GMPR: variants seen among roughly 807,000 people sequenced by gnomAD.
GMPR encodes the protein GMP reductase 1.
Under a neutral mutation model 38.4 loss-of-function variants are expected in GMPR, and 31 were observed. The observed-to-expected ratio is 0.81, with a 90% CI of 0.61 to 1.09. GMPR has a LOEUF of 1.09. Ranked by LOEUF, GMPR falls within the 50% of genes least tolerant of loss-of-function variation. The pLI is 0.00. For synonymous variants in GMPR, 162 were observed against 173.3 expected (o/e 0.93, Z 0.51); for missense variants, 468 against 453.7 (o/e 1.03, Z -0.29).
At position 16,241,101 on chromosome 6, in the gene GMPR, T is replaced by G. The variant is rs550616317; in HGVS notation, c.87+2321T>G. ...AACTTTTCCTTGCACAATCAGAAGC[T>G]TAAAATATGTGCATCCTGGCAGAAG... On this transcript the variant is annotated intron_variant, in intron 1 of 8. Coordinates refer to ENST00000259727, the MANE Select transcript of GMPR (RefSeq NM_006877.4). Among the ~76,000 whole-genome samples the G allele has an allele frequency of 1.3e-5, 2 of 152,228 alleles. 1 individual carries two copies. Among genetic ancestry groups the G allele is most frequent in the South Asian group, 4.1e-4 (2 of 4,824 alleles).
rs147957538 is a variant in GMPR at position 16,280,268 on chromosome 6, G to A, written c.654+1378G>A. On this transcript the variant is annotated intron_variant, in intron 6 of 8. Transcript: ENST00000259727. Reference sequence around the variant, plus strand: ...TTAGCCCATAGATGATGAAAGTCTTGGGAATGGTGCTCAGGTAACAACTGA... The same window carrying A: ...TTAGCCCATAGATGATGAAAGTCTTAGGAATGGTGCTCAGGTAACAACTGA... Among the ~76,000 whole-genome samples the A allele has an allele frequency of 2.2e-3, 331 of 152,230 alleles. 2 individuals carry two copies. The highest frequency in any genetic ancestry group is 2.4e-3 in the Non-Finnish European group (164 of 68,014).
At chr6:16,283,349 G>A (rs567201131) in intron 6 of GMPR, among the ~76,000 whole-genome samples, 1 of 152,290 alleles carries the variant, frequency 6.6e-6, no homozygotes, top group South Asian at 2.1e-4. Context: ...ATGCATGTAT[G>A]TCTTGATTGC....
At chr6:16,274,330 C>A in intron 4 of GMPR, 85 bp from the exon 5 acceptor site, 2 of 871,666 alleles carry the variant, frequency 2.3e-6, no homozygotes, top group South Asian at 1.4e-5. Context: ...AGGACATGCA[C>A]ATCCTCGTGT....
intron 3 of GMPR, among the ~76,000 whole-genome samples, chr6:16,250,581 CT>C (rs1260207966): frequency 6.6e-6 from 1 of 152,128 alleles, no homozygotes; most frequent in Non-Finnish European, 1.5e-5. Context: ...CTGTTTTCCC[CT>C]GAAAGATGAA....
At chr6:16,251,664 T>G (rs1758878134) in intron 3 of GMPR, among the ~76,000 whole-genome samples, 4 of 152,164 alleles carry the variant, frequency 2.6e-5, no homozygotes, top group Admixed American at 1.3e-4. Flanking sequence ...TAAAATAGAT[T>G]AGTGGCCTGA....
intron 7 of GMPR, chr6:16,290,255 C>T (rs927082963): frequency 3.2e-6 from 2 of 615,486 alleles, no homozygotes; most frequent in Non-Finnish European, 5.9e-6. Flanking sequence ...GCATTTGTTT[C>T]TCGCAGTGTC....
chr6:16,289,548 C>T (rs374958385), intron 7 of GMPR: 6 of 152,230 alleles, frequency 3.9e-5, no homozygotes, highest in African/African-American at 1.4e-4. Flanking sequence ...TGTGCCTGTC[C>T]TGGAAATGTG....
rs373512684 is a variant in GMPR, at chr6:16,273,855, G to A, written c.466-560G>A. On this transcript the variant is annotated intron_variant, in intron 4 of 8. Coordinates refer to ENST00000259727, the MANE Select transcript of GMPR (RefSeq NM_006877.4). ...TTTTGAGACAGAGTCTTGCTCTGTC[G>A]TCCAGGCTGGAGTACAGTGGTGCCA... Among the ~76,000 whole-genome samples the A allele has an allele frequency of 2.9e-4, 38 of 129,898 alleles. No individual in the cohort carries two copies. The East Asian group carries it at 3.3e-3, about 11-fold the overall frequency. 85.2% of individuals were successfully genotyped at this position (129,898 alleles called of 152,430 possible).
chr6:16,260,218 C>G (rs915033706), intron 4 of GMPR, among the ~76,000 whole-genome samples: 1 of 151,950 alleles, frequency 6.6e-6, no homozygotes, highest in Non-Finnish European at 1.5e-5. Flanking sequence ...TTAGTCCGTT[C>G]TACTTTTCCT....
At chr6:16,249,041 G>C (rs1214255425) in intron 2 of GMPR, among the ~76,000 whole-genome samples, 1 of 152,170 alleles carries the variant, frequency 6.6e-6, no homozygotes, top group Admixed American at 6.5e-5. Context: ...TGGGGACATA[G>C]GTAGCCCCAG....
At chr6:16,290,956 G>GT (rs1243155168) in intron 8 of GMPR, among the ~76,000 whole-genome samples, 2 of 152,206 alleles carry the variant, frequency 1.3e-5, no homozygotes, top group Non-Finnish European at 2.9e-5. Flanking sequence ...AGCTATCCCT[G>GT]TAAGCTTAGA....
rs775958772 is a variant in GMPR at position 16,278,777 on chromosome 6, T to C, written c.548-7T>C. On this transcript the variant is annotated splice_region_variant and splice_polypyrimidine_tract_variant and intron_variant, in intron 5 of 8. Transcript: ENST00000259727. ...TCTATTTGGGGACAACTTCTTTCTC[T>C]GTGCAGGTTCTGTGTGCACCACCCG... 14 of 1,597,306 alleles carry C rather than the reference T, an allele frequency of 8.8e-6. No homozygotes were observed. The Admixed American group carries it at 2.0e-4, about 23-fold the overall frequency.
Position 16,254,416 on chromosome 6 carries a change from T to A in GMPR, c.292-146T>A. 5 of 637,576 alleles carry A rather than the reference T, an allele frequency of 7.8e-6. No individual in the cohort carries two copies. In the South Asian group the frequency reaches 1.0e-4, roughly 13 times the overall value. 39.5% of individuals were successfully genotyped at this position (637,576 alleles called of 1,614,324 possible). On this transcript the variant is annotated intron_variant, in intron 3 of 8. Coordinates refer to ENST00000259727, the MANE Select transcript of GMPR (RefSeq NM_006877.4). ...TCCCCTTTACCTCTGCTGTTGCATG[T>A]GTCTTGAGCAGGTGCACTGTGCATT...
intron 8 of GMPR, among the ~76,000 whole-genome samples, chr6:16,294,320 G>A (rs188846354): frequency 3.7e-4 from 57 of 152,262 alleles, no homozygotes; most frequent in African/African-American, 1.3e-3. Context: ...ACTGGGGGTG[G>A]CCAGTGTACC....
intron 4 of GMPR, among the ~76,000 whole-genome samples, chr6:16,257,553 G>C (rs1290745533): frequency 6.6e-6 from 1 of 152,098 alleles, no homozygotes; most frequent in African/African-American, 2.4e-5. Context: ...CCAGCTGGTT[G>C]TATCGCTGTT....
At chr6:16,270,736 A>G (rs1272492689) in intron 4 of GMPR, among the ~76,000 whole-genome samples, 1 of 152,198 alleles carries the variant, frequency 6.6e-6, no homozygotes, top group African/African-American at 2.4e-5. Context: ...CTCATGGTTG[A>G]GGCATTTCAT....
intron 7 of GMPR, among the ~76,000 whole-genome samples, chr6:16,286,545 C>T (rs1206531239): frequency 6.8e-6 from 1 of 146,500 alleles, no homozygotes; most frequent in East Asian, 2.0e-4. Flanking sequence ...TTGCTGATGC[C>T]AGAAAAAAAA....
At chr6:16,267,376 C>CA in intron 4 of GMPR, among the ~76,000 whole-genome samples, 1 of 151,252 alleles carries the variant, frequency 6.6e-6, no homozygotes, top group Non-Finnish European at 1.5e-5. Flanking sequence ...TCTCAAAAAA[C>CA]AAAGAGCTGT....
Position 16,288,671 on chromosome 6 carries a change from C to T in GMPR, c.698-1791C>T, listed in dbSNP as rs538032716. ...AGGGCGTGGGACTGGTGGGCAGCTCCATCTGCAGCCCCAGTGCGGATCCAC... is the reference window on the plus strand; with the variant it reads ...AGGGCGTGGGACTGGTGGGCAGCTCTATCTGCAGCCCCAGTGCGGATCCAC... On this transcript the variant is annotated intron_variant, in intron 7 of 8. Coordinates refer to ENST00000259727, the MANE Select transcript of GMPR (RefSeq NM_006877.4). Among the ~76,000 whole-genome samples the T allele has an allele frequency of 1.1e-4, 17 of 152,252 alleles. No homozygotes were observed. The South Asian group carries it at 1.7e-3, about 15-fold the overall frequency.
Sources: allele counts gnomAD v4.1 joint callset (sites outside exome capture counted in the v4.1 genomes callset), GRCh38; gene constraint gnomAD v4.1.1; transcripts MANE v1.5; gene names NCBI Gene and HGNC (gene_info 2026-07-23, HGNC 2026-07-21).